The following COL21A1 variants were observed in gnomAD, a reference collection of about 807,000 sequenced individuals.
The protein encoded by COL21A1 is collagen type XXI alpha 1 chain, also known as collagen alpha-1(XXI) chain.
A neutral mutation model predicts 137.9 loss-of-function variants in COL21A1; 149 were observed. That is an observed-to-expected ratio of 1.08 (90% CI 0.95 to 1.24). The LOEUF is 1.24. COL21A1 is among the 50% of genes most tolerant of loss of function. The pLI is 0.00. For missense variants in COL21A1, 1,167 were observed against 1,158.4 expected, an observed-to-expected ratio of 1.01 and a Z score of -0.11; for synonymous variants, 456 against 391.5, an observed-to-expected ratio of 1.16 and a Z score of -1.95.
chr6:56,355,201 A>G (rs1765803274), intron 1 of COL21A1, among the ~76,000 whole-genome samples: 1 of 152,166 alleles, frequency 6.6e-6, no homozygotes, highest in South Asian at 2.1e-4. Flanking sequence ...TTAAGATAGA[A>G]GTACTGACAC....
At chr6:56,082,644 C>T (rs1368355996) in intron 17 of COL21A1, among the ~76,000 whole-genome samples, 1 of 149,460 alleles carries the variant, frequency 6.7e-6, no homozygotes, top group African/African-American at 2.5e-5. Context: ...CCAGAGAAAC[C>T]GGAAAATTCT....
chr6:56,116,489 C>A (rs1035856488), intron 16 of COL21A1, among the ~76,000 whole-genome samples: 1 of 150,192 alleles, frequency 6.7e-6, no homozygotes, highest in Non-Finnish European at 1.5e-5. Context: ...ACAGGCTTTC[C>A]CAGACAAACA....
intron 1 of COL21A1, among the ~76,000 whole-genome samples, chr6:56,327,847 G>A (rs1765131362): frequency 6.6e-6 from 1 of 152,026 alleles, no homozygotes; most frequent in Admixed American, 6.6e-5. Flanking sequence ...AGAATAATGA[G>A]ACAACCATCC....
At chr6:56,211,733 T>C (rs1780189872) in intron 1 of COL21A1, among the ~76,000 whole-genome samples, 1 of 152,116 alleles carries the variant, frequency 6.6e-6, no homozygotes, top group African/African-American at 2.4e-5. Context: ...GCTATTTCAC[T>C]GGGTAAGCCT....
At chr6:56,177,929 C>T (rs2152279136) in intron 3 of COL21A1, among the ~76,000 whole-genome samples, 1 of 151,344 alleles carries the variant, frequency 6.6e-6, no homozygotes, top group Non-Finnish European at 1.5e-5. Flanking sequence ...TTATTTATAT[C>T]TTTTCGAGTG....
chr6:56,138,334 T>C (rs1462657909), intron 12 of COL21A1, among the ~76,000 whole-genome samples: 1 of 149,650 alleles, frequency 6.7e-6, no homozygotes, highest in Non-Finnish European at 1.5e-5. Flanking sequence ...ATATTTTATA[T>C]ATACATTTAT....
chr6:56,130,125 G>A (rs984429653), intron 12 of COL21A1, among the ~76,000 whole-genome samples: 2 of 143,952 alleles, frequency 1.4e-5, no homozygotes, highest in African/African-American at 5.2e-5. Context: ...GCAGGGCATA[G>A]CAGGGGTTCT....
chr6:56,075,305 T>C (rs189283013), intron 19 of COL21A1, among the ~76,000 whole-genome samples, 174 bp downstream of exon 19: 1 of 151,574 alleles, frequency 6.6e-6, no homozygotes, highest in African/African-American at 2.4e-5. Flanking sequence ...TTTACTCTTT[T>C]AGAAAAATGC....
At position 56,337,879 on chromosome 6, in the gene COL21A1, T is replaced by G. The variant is rs116271760; in HGVS notation, c.-39+56092A>C. On this transcript the variant is annotated intron_variant, in intron 1 of 28. Coordinates refer to the COL21A1 transcript ENST00000370819. ...CGATTTTAAAAACATAGTTTCACAT[T>G]CACTGTAATGCTCATCTCTTCCCTT... 9.1e-3 allele frequency among the ~76,000 whole-genome samples: 1,381 copies of G among 152,244 alleles called. 25 individuals are homozygous for G. Among genetic ancestry groups the G allele is most frequent in the African/African-American group, 0.031 (1,295 of 41,558 alleles).
chr6:56,350,361 T>C (rs1765686040), intron 1 of COL21A1, among the ~76,000 whole-genome samples: 1 of 152,140 alleles, frequency 6.6e-6, no homozygotes, highest in Admixed American at 6.5e-5. Context: ...TTGTACTACA[T>C]GGGAGGTTAT....
chr6:56,121,560 GTATA>G (rs150897399), intron 16 of COL21A1, among the ~76,000 whole-genome samples: 3 of 143,362 alleles, frequency 2.1e-5, no homozygotes, highest in South Asian at 2.2e-4. Flanking sequence ...ATGTATATGT[GTATA>G]TATATATATG....
At chr6:56,316,868 A>C (rs1764751799) in intron 1 of COL21A1, among the ~76,000 whole-genome samples, 1 of 152,154 alleles carries the variant, frequency 6.6e-6, no homozygotes, top group African/African-American at 2.4e-5. Context: ...TAAAATTCTG[A>C]ACAGCAGGCT....
At chr6:56,322,919 T>C (rs1189724282) in intron 1 of COL21A1, among the ~76,000 whole-genome samples, 2 of 133,494 alleles carry the variant, frequency 1.5e-5, no homozygotes, top group African/African-American at 5.4e-5. Context: ...CATCAAAGAA[T>C]ACAAGTTTTA....
chr6:56,236,877 T>C (rs1781938411), intron 1 of COL21A1, among the ~76,000 whole-genome samples: 1 of 152,040 alleles, frequency 6.6e-6, no homozygotes, highest in Non-Finnish European at 1.5e-5. Context: ...ACCTCCTTGC[T>C]GCGAAAGTGA....
intron 2 of COL21A1, among the ~76,000 whole-genome samples, chr6:56,181,137 A>AAT (rs1294804587): frequency 6.6e-6 from 1 of 152,230 alleles, no homozygotes; most frequent in Non-Finnish European, 1.5e-5. Context: ...TTGTCTCAAA[A>AAT]ATGTGTCTGT....
chr6:56,304,115 G>A (rs1764372643), intron 1 of COL21A1, among the ~76,000 whole-genome samples: 1 of 152,208 alleles, frequency 6.6e-6, no homozygotes, highest in Non-Finnish European at 1.5e-5. Context: ...TTTTTGACGT[G>A]CTGCTGGATT....
At chr6:56,061,768 A>C in intron 24 of COL21A1, 87 bp from the exon 25 acceptor site, 1 of 867,924 alleles carries the variant, frequency 1.2e-6, no homozygotes, top group Non-Finnish European at 1.7e-6. Flanking sequence ...TACTTAATTA[A>C]ATTTAAAATT....
intron 1 of COL21A1, among the ~76,000 whole-genome samples, chr6:56,261,508 C>T (rs1004364619): frequency 1.3e-5 from 2 of 152,162 alleles, no homozygotes; most frequent in African/African-American, 4.8e-5. Context: ...GAGACCTGTT[C>T]TTCCTTGTGA....
intron 1 of COL21A1, among the ~76,000 whole-genome samples, chr6:56,376,105 TGG>T (rs1562077588): frequency 8.5e-5 from 13 of 152,090 alleles, no homozygotes; most frequent in Non-Finnish European, 1.9e-4. Flanking sequence ...GCTCAAGAAG[TGG>T]GATAAAACAA....
Sources: allele counts gnomAD v4.1 joint callset (sites outside exome capture counted in the v4.1 genomes callset), GRCh38; gene constraint gnomAD v4.1.1; transcripts MANE v1.5; gene names NCBI Gene and HGNC (gene_info 2026-07-23, HGNC 2026-07-21).